Variants in OR2L13 observed in about 807,000 individuals in gnomAD.
OR2L13 encodes olfactory receptor 2L13.
OR2L13 carries 14 observed loss-of-function variants against 15.3 expected under a neutral mutation model. The ratio of observed to expected loss-of-function variants is 0.91; its 90% CI spans 0.60 to 1.43. OR2L13 has a LOEUF of 1.43. OR2L13 is among the 40% of genes most tolerant of loss of function. OR2L13 has a pLI of 0.00. For missense variants in OR2L13, 367 were observed against 387.9 expected, an observed-to-expected ratio of 0.95 and a Z score of 0.45; for synonymous variants, 152 against 142.9, an observed-to-expected ratio of 1.06 and a Z score of -0.45.
the OR2L13 span, among the ~76,000 whole-genome samples, chr1:247,963,329 G>T: frequency 6.6e-6 from 1 of 152,180 alleles, no homozygotes. Flanking sequence ...AACTGTCATG[G>T]TGCTGGTGGG....
exon 3 of OR2L13, chr1:248,100,427 A>G (rs1664835147): frequency 2.1e-6 from 1 of 480,630 alleles, no homozygotes; most frequent in Admixed American, 3.8e-5. Context: ...TAATAGGTAC[A>G]TTTAAGCAGT....
upstream of OR2L13, among the ~76,000 whole-genome samples, chr1:248,090,459 GC>G (rs1038361951): frequency 1.3e-5 from 2 of 151,972 alleles, no homozygotes; most frequent in African/African-American, 4.8e-5. Context: ...CCTCAAGTAG[GC>G]CCCGGTGTCT....
chr1:247,995,916 C>G, the OR2L13 span, among the ~76,000 whole-genome samples: 1 of 152,182 alleles, frequency 6.6e-6, no homozygotes, highest in South Asian at 2.1e-4. Flanking sequence ...GTCTGCAGAG[C>G]TTGTCTGAGA....
the OR2L13 span, among the ~76,000 whole-genome samples, chr1:248,088,147 C>T: frequency 6.6e-6 from 1 of 152,080 alleles, no homozygotes; most frequent in East Asian, 1.9e-4. Context: ...CACGAGGTAG[C>T]AGAGCGGAAG....
At chr1:248,035,347 G>T in the OR2L13 span, among the ~76,000 whole-genome samples, 5 of 152,182 alleles carry the variant, frequency 3.3e-5, no homozygotes, top group East Asian at 9.7e-4. Context: ...TACTTGAGAG[G>T]CTGAGGCAGG....
chr1:248,045,987 A>G, the OR2L13 span: 1 of 152,194 alleles, frequency 6.6e-6, no homozygotes, highest in Admixed American at 6.5e-5. Flanking sequence ...AAATTCAAAT[A>G]TTTTTAAAAC....
upstream of OR2L13, chr1:248,095,287 C>T (rs1285207692): frequency 1.3e-5 from 2 of 152,220 alleles, no homozygotes; most frequent in Non-Finnish European, 2.9e-5. Context: ...TATCTAAACA[C>T]TGCATATGCA....
chr1:247,998,452 T>C, the OR2L13 span, among the ~76,000 whole-genome samples: 2 of 152,124 alleles, frequency 1.3e-5, no homozygotes, highest in African/African-American at 4.8e-5. Flanking sequence ...GTTTTGTTTT[T>C]GTTTGATTTA....
chr1:248,022,060 T>G, the OR2L13 span: 2 of 1,613,988 alleles, frequency 1.2e-6, no homozygotes, highest in Non-Finnish European at 1.7e-6. Flanking sequence ...CTAATGGCTC[T>G]AATTGGAAAC....
chr1:247,966,367 TC>T, the OR2L13 span: 1 of 1,573,358 alleles, frequency 6.4e-7, no homozygotes, highest in East Asian at 2.2e-5. Context: ...AAAAAGCTGT[TC>T]CTGAAAACTA....
At chr1:248,092,522 A>G (rs990657444), upstream of OR2L13, among the ~76,000 whole-genome samples, 1 of 152,176 alleles carries the variant, frequency 6.6e-6, no homozygotes, top group Non-Finnish European at 1.5e-5. Flanking sequence ...TCTATTTCAC[A>G]TCTGTGGACT....
the OR2L13 span, among the ~76,000 whole-genome samples, chr1:247,957,722 A>T: frequency 6.6e-6 from 1 of 152,052 alleles, no homozygotes; most frequent in Non-Finnish European, 1.5e-5. Flanking sequence ...TTTCTAGTTT[A>T]TTTGCGTAGA....
the OR2L13 span, among the ~76,000 whole-genome samples, chr1:248,009,677 T>A: frequency 6.6e-6 from 1 of 151,966 alleles, no homozygotes; most frequent in Non-Finnish European, 1.5e-5. Flanking sequence ...GAGGACAGCA[T>A]CTCCCCAACA....
the OR2L13 span, among the ~76,000 whole-genome samples, chr1:248,069,941 T>A: frequency 6.6e-6 from 1 of 152,082 alleles, no homozygotes; most frequent in African/African-American, 2.4e-5. Flanking sequence ...TAAATATATA[T>A]GCACCCAATA....
chr1:247,942,004 T>G, the OR2L13 span, among the ~76,000 whole-genome samples: 1 of 152,132 alleles, frequency 6.6e-6, no homozygotes, highest in Non-Finnish European at 1.5e-5. Flanking sequence ...TTTCCTTTCT[T>G]TCTGTCCTTC....
chr1:248,096,937 G>A (rs971563384), upstream of OR2L13, among the ~76,000 whole-genome samples: 2 of 152,164 alleles, frequency 1.3e-5, no homozygotes, highest in Non-Finnish European at 2.9e-5. Flanking sequence ...TCTTGAGCTA[G>A]GTAATCATCT....
chr1:247,983,409 TACA>T, the OR2L13 span, among the ~76,000 whole-genome samples: 1,062 of 152,272 alleles, frequency 7.0e-3, 13 homozygotes, highest in African/African-American at 0.024. Flanking sequence ...TTCTCCAGTG[TACA>T]ACATCATTAA....
chr1:247,943,810 AT>A, the OR2L13 span, among the ~76,000 whole-genome samples: 2 of 152,074 alleles, frequency 1.3e-5, no homozygotes, highest in East Asian at 3.9e-4. Context: ...TTCTTTTATA[AT>A]TTTTTCTCTT....
At chr1:247,979,910 T>G in the OR2L13 span, among the ~76,000 whole-genome samples, 1 of 152,172 alleles carries the variant, frequency 6.6e-6, no homozygotes, top group Admixed American at 6.5e-5. Context: ...TTCAGGAAAT[T>G]TTCTTTGCTA....
Sources: gnomAD v4.1 joint callset for allele counts (sites outside exome capture counted in the v4.1 genomes callset) on GRCh38, gnomAD v4.1.1 for gene constraint, MANE v1.5 for transcripts, NCBI Gene and HGNC (gene_info 2026-07-23, HGNC 2026-07-21) for gene names.